The following ZNF385D variants were observed in gnomAD, a reference collection of about 807,000 sequenced individuals.
ZNF385D encodes zinc finger protein 659.
A neutral mutation model predicts 35.8 loss-of-function variants in ZNF385D; 15 were observed. The observed-to-expected ratio is 0.42, with a 90% CI of 0.28 to 0.64. The LOEUF is 0.64. Ranked by LOEUF, ZNF385D falls within the 30% of genes least tolerant of loss-of-function variation. The pLI is 0.23. For missense variants in ZNF385D, 474 were observed against 494.6 expected (o/e 0.96, Z 0.39); for synonymous variants, 212 against 186.8 (o/e 1.13, Z -1.10).
At chr3:22,042,968 C>A (rs1349605504) in intron 3 of ZNF385D, among the ~76,000 whole-genome samples, 2 of 152,152 alleles carry the variant, frequency 1.3e-5, no homozygotes, top group Non-Finnish European at 2.9e-5. Flanking sequence ...AGTTGTAATC[C>A]TCTCATTTTT....
chr3:21,597,980 A>C (rs763838166), intron 2 of ZNF385D, among the ~76,000 whole-genome samples: 1 of 152,184 alleles, frequency 6.6e-6, no homozygotes, highest in Non-Finnish European at 1.5e-5. Context: ...AGGATGATTG[A>C]GATTACAAAG....
chr3:22,129,269 C>A (rs367778718), intron 3 of ZNF385D, among the ~76,000 whole-genome samples: 1 of 152,094 alleles, frequency 6.6e-6, no homozygotes, highest in South Asian at 2.1e-4. Flanking sequence ...ACAGCTGGGA[C>A]TGTGCCTCGT....
intron 1 of ZNF385D, among the ~76,000 whole-genome samples, chr3:21,744,645 A>G (rs990129776): frequency 9.9e-5 from 15 of 152,274 alleles, no homozygotes; most frequent in African/African-American, 2.9e-4. Flanking sequence ...GCTATTAACT[A>G]TAATTTTGCT....
At position 22,025,409 on chromosome 3, in the gene ZNF385D, G is replaced by A. The variant is rs536019146; in HGVS notation, c.325+143408C>T. On this transcript the variant is annotated intron_variant, in intron 3 of 5. Transcript: ENST00000494108. ...CGTTGAGAGTGTGACCCATGAGGAG[G>A]TGTGCTACACTCGAAAAGAACTTTG... Among the ~76,000 whole-genome samples, 18 of 152,258 alleles carry A rather than the reference G, an allele frequency of 1.2e-4. 1 individual carries two copies. In the South Asian group the frequency reaches 3.3e-3, roughly 28 times the overall value.
At chr3:22,299,320 AAAAC>A (rs1469369611) in intron 2 of ZNF385D, among the ~76,000 whole-genome samples, 2 of 151,936 alleles carry the variant, frequency 1.3e-5, no homozygotes, top group African/African-American at 2.4e-5. Flanking sequence ...ACTCTTAAAT[AAAAC>A]ACTTTAGGTT....
intron 3 of ZNF385D, among the ~76,000 whole-genome samples, chr3:21,817,207 G>T (rs559772686): frequency 2.0e-5 from 3 of 152,150 alleles, no homozygotes; most frequent in Non-Finnish European, 4.4e-5. Context: ...AGACTTAAAT[G>T]TTAGATGTAA....
At chr3:22,141,014 A>G (rs1380965348) in intron 3 of ZNF385D, among the ~76,000 whole-genome samples, 1 of 152,222 alleles carries the variant, frequency 6.6e-6, no homozygotes, top group Non-Finnish European at 1.5e-5. Flanking sequence ...CAATATCACC[A>G]GGATTCATGT....
chr3:21,890,017 A>T (rs1342424076), intron 3 of ZNF385D, among the ~76,000 whole-genome samples: 2 of 152,066 alleles, frequency 1.3e-5, no homozygotes, highest in African/African-American at 4.8e-5. Context: ...AGATGAGCCC[A>T]CCCTAGTGAT....
At chr3:21,756,070 G>A (rs2070325908), upstream of ZNF385D, among the ~76,000 whole-genome samples, 1 of 152,196 alleles carries the variant, frequency 6.6e-6, no homozygotes, top group Non-Finnish European at 1.5e-5. Context: ...GGAGCAACGT[G>A]ATTTGACATG....
In ZNF385D at chr3:22,244,160, T is replaced by C. The variant is rs534445627; in HGVS notation, c.107-75125A>G. ...GTGTTAGTACTCTGTGCAAGAACCT[T>C]CTTAAGGGGATTTAAAAAAAGCCAT... is the stretch of plus-strand genomic sequence containing the variant. On this transcript the variant is annotated intron_variant, in intron 2 of 5. Coordinates refer to the ZNF385D transcript ENST00000494108. 1.9e-4 allele frequency among the ~76,000 whole-genome samples: 29 copies of C among 150,438 alleles called. 3 individuals are homozygous for C. The highest frequency in any genetic ancestry group is 7.1e-4 in the African/African-American group (29 of 40,652).
At chr3:22,070,163 T>A (rs1185413715) in intron 3 of ZNF385D, among the ~76,000 whole-genome samples, 1 of 152,170 alleles carries the variant, frequency 6.6e-6, no homozygotes, top group East Asian at 1.9e-4. Context: ...CATCTTATTT[T>A]CTAACAACAA....
intron 1 of ZNF385D, among the ~76,000 whole-genome samples, chr3:21,708,475 T>C (rs548482978): frequency 6.6e-6 from 1 of 152,220 alleles, no homozygotes; most frequent in Non-Finnish European, 1.5e-5. Flanking sequence ...TCCCTCCTCC[T>C]ATAATTTATG....
chr3:21,965,205 T>C (rs1338309980), intron 3 of ZNF385D, among the ~76,000 whole-genome samples: 1 of 152,182 alleles, frequency 6.6e-6, no homozygotes, highest in Non-Finnish European at 1.5e-5. Context: ...TGACCCTAAG[T>C]TTCTTTATCT....
intron 3 of ZNF385D, among the ~76,000 whole-genome samples, chr3:22,033,164 G>C (rs1036525612): frequency 5.3e-5 from 8 of 152,046 alleles, no homozygotes; most frequent in African/African-American, 1.7e-4. Context: ...CACTTTAGGA[G>C]GCTGAGGCAG....
At chr3:21,894,570 CTTA>C (rs1339245158) in intron 3 of ZNF385D, among the ~76,000 whole-genome samples, 1 of 152,072 alleles carries the variant, frequency 6.6e-6, no homozygotes, top group African/African-American at 2.4e-5. Context: ...CAAAGCTCAC[CTTA>C]TTTTGTTTAA....
chr3:22,289,411 A>G (rs924435595), intron 2 of ZNF385D, among the ~76,000 whole-genome samples: 1 of 152,294 alleles, frequency 6.6e-6, no homozygotes. Flanking sequence ...TCACTGGCAT[A>G]AGCCAGGAAA....
intron 2 of ZNF385D, among the ~76,000 whole-genome samples, chr3:22,319,880 T>C (rs1431706202): frequency 6.6e-6 from 1 of 152,114 alleles, no homozygotes; most frequent in Non-Finnish European, 1.5e-5. Flanking sequence ...ATTTTAGTTA[T>C]GCATTTTCCT....
At chr3:22,317,499 C>T (rs757902490) in intron 2 of ZNF385D, among the ~76,000 whole-genome samples, 17 of 151,944 alleles carry the variant, frequency 1.1e-4, no homozygotes, top group Non-Finnish European at 1.6e-4. Flanking sequence ...ACTTTATCTA[C>T]GTAATAAAAC....
chr3:21,678,921 A>T (rs1011839684), intron 1 of ZNF385D, among the ~76,000 whole-genome samples: 2 of 152,044 alleles, frequency 1.3e-5, no homozygotes, highest in Non-Finnish European at 2.9e-5. Flanking sequence ...AGATAAGAAA[A>T]CTACTTTTTA....
Sources: gnomAD v4.1 joint callset for allele counts (sites outside exome capture counted in the v4.1 genomes callset) on GRCh38, gnomAD v4.1.1 for gene constraint, MANE v1.5 for transcripts, NCBI Gene and HGNC (gene_info 2026-07-23, HGNC 2026-07-21) for gene names.